Variants in TIE1 observed in about 807,000 individuals in gnomAD.
The protein encoded by TIE1 is tyrosine kinase with immunoglobulin like and EGF like domains 1, also known as tyrosine-protein kinase receptor Tie-1.
Under a neutral mutation model 130.5 loss-of-function variants are expected in TIE1, and 89 were observed. The observed-to-expected ratio is 0.68, with a 90% confidence interval of 0.57 to 0.81. The LOEUF (loss-of-function observed/expected upper bound fraction) is 0.81, where lower values mean the gene tolerates loss of function less well. TIE1 is among the 40% of genes least tolerant of loss of function. The pLI, the probability that TIE1 is intolerant of heterozygous loss-of-function variation, is 0.00. For synonymous variants in TIE1, 568 were observed against 629.4 expected, an observed-to-expected ratio of 0.90 and a Z score of 1.46; for missense variants, 1,392 against 1,559.8, an observed-to-expected ratio of 0.89 and a Z score of 1.81.
chr1:43,307,489 G>C lies in TIE1; in HGVS notation c.830G>C (p.Gly277Ala). ...CAGGAGCAGTGCCCAGGCATATCAG[G>C]CTGCCGGGGCCTCACCTTCTGCCTC... ...SCQEQCPGIS[G>A]CRGLTFCLPD... The change falls in exon 6 of 23, where the codon GGC (glycine) becomes GCC (alanine). Residue 277 changes from glycine (G) to alanine (A), a missense_variant. Physicochemically the swap from Gly to Ala is moderately conservative, Grantham distance 60. Around this residue, in one of 6 missense-constraint regions of TIE1, gnomAD observed 415 missense variants for 424.8 expected, o/e 0.98. Transcript: ENST00000372476. The surrounding 1 kb of genome is among the most constrained non-coding windows in gnomAD (Gnocchi z 5.4). 6.2e-7 allele frequency: 1 copy of C among 1,614,178 alleles called. No individual in the cohort carries two copies. The highest frequency in any genetic ancestry group is 1.1e-5 in the South Asian group (1 of 91,086).
In TIE1 at chr1:43,318,437, A is replaced by G. The variant is rs1646882556; in HGVS notation, c.2922+365A>G. ...AGGGCAGAGATCCAAGCCCAAGTCA[A>G]CTCAGGCCTGAATGAGAGGACAGGG... On this transcript the variant is annotated intron_variant, in intron 17 of 22. Transcript: ENST00000372476. The surrounding 1 kb of genome is among the most constrained non-coding windows in gnomAD (Gnocchi z 4.4). Among the ~76,000 whole-genome samples, 1 of 151,514 alleles carries G rather than the reference A, an allele frequency of 6.6e-6. No individual in the cohort carries two copies. The highest frequency in any genetic ancestry group is 2.4e-5 in the African/African-American group (1 of 41,246).
chr1:43,304,541 A>C (rs1455394524), intron 1 of TIE1, among the ~76,000 whole-genome samples: 1 of 152,174 alleles, frequency 6.6e-6, no homozygotes, highest in Non-Finnish European at 1.5e-5. Context: ...AAGGGAAGCC[A>C]TCTGGCAGGA....
At chr1:43,320,830 G>A (rs1198635280) in intron 19 of TIE1, 1 of 152,218 alleles carries the variant, frequency 6.6e-6, no homozygotes, top group Non-Finnish European at 1.5e-5. Context: ...ACTCCAGCCT[G>A]GGCGACAGAG....
In TIE1 at chr1:43,319,236, T is replaced by A; in HGVS notation, c.2924T>A (p.Phe975Tyr). The change falls in exon 18 of 23, where the codon TTC becomes TAC. Residue 975 changes from phenylalanine (F) to tyrosine (Y), a missense_variant and splice_region_variant. Transcript: ENST00000372476. This position sits in a 1 kb window ranked among gnomAD's most constrained non-coding sequence, Gnocchi z 4.7. ...CCTGACTTCTGACCCTGCCTACAGT[T>A]CATCCACAGGGACCTGGCTGCCCGG... ...NGMQYLSEKQ[F>Y]IHRDLAARNV... is the part of the protein sequence containing the mutation. 1 of 1,613,128 alleles carries A rather than the reference T, an allele frequency of 6.2e-7. No homozygotes were observed. Among genetic ancestry groups the A allele is most frequent in the Non-Finnish European group, 8.5e-7 (1 of 1,179,190 alleles).
At chr1:43,320,142 A>C in intron 19 of TIE1, 2 of 156,042 alleles carry the variant, frequency 1.3e-5, no homozygotes, top group Admixed American at 6.1e-5. Context: ...CCCCCTTTGA[A>C]CTCTCTCCCC....
In TIE1 at chr1:43,319,590, C is replaced by A. The variant is rs557594103; in HGVS notation, c.3107+61C>A. 1.3e-6 allele frequency: 2 copies of A among 1,521,358 alleles called. No individual in the cohort carries two copies. Among genetic ancestry groups the A allele is most frequent in the African/African-American group, 2.7e-5 (2 of 72,996 alleles). The allele number at this position is 1,521,358 out of a possible 1,614,324, so 94.2% of individuals were successfully genotyped here. A position where few individuals can be genotyped will look rare whatever the true frequency, so the allele number is the denominator to read the frequency against. ...CCCCCAAGAATCACCCAGGCCTGAC[C>A]TAGACATATCTCAGAAATGTCATAG... On this transcript the variant is annotated intron_variant, in intron 19 of 22. Transcript: ENST00000372476. The surrounding 1 kb of genome is among the most constrained non-coding windows in gnomAD (Gnocchi z 4.7).
chr1:43,304,251 G>A (rs548350579), intron 1 of TIE1, among the ~76,000 whole-genome samples: 25 of 152,282 alleles, frequency 1.6e-4, no homozygotes, highest in South Asian at 1.0e-3. Context: ...CCATTTCTGT[G>A]CCACAACCTT....
In TIE1 at chr1:43,321,459, G is replaced by T; in HGVS notation, c.3212G>T (p.Arg1071Leu). The change falls in exon 21 of 23, where the codon CGC (arginine) becomes CTC (leucine). Residue 1071 changes from arginine (R) to leucine (L), a missense_variant. Physicochemically the swap from Arg to Leu is moderately radical, Grantham distance 102 (BLOSUM62 -2). This residue lies in a region of TIE1 where 104 missense variants were observed against 129.3 expected (regional missense o/e 0.80). Transcript: ENST00000372476. ...ELYEKLPQGY[R>L]MEQPRNCDDE... ...TATGAAAAGCTGCCCCAGGGCTACCGCATGGAGCAGCCTCGAAACTGTGAC... is the reference window on the plus strand; with the variant it reads ...TATGAAAAGCTGCCCCAGGGCTACCTCATGGAGCAGCCTCGAAACTGTGAC... 6.2e-7 allele frequency: 1 copy of T among 1,613,874 alleles called. No individual in the cohort carries two copies. The highest frequency in any genetic ancestry group is 1.1e-5 in the South Asian group (1 of 91,066).
At chr1:43,308,902 G>C (rs2153911155) in intron 7 of TIE1, 84 bp from the exon 8 acceptor site, 1 of 1,595,314 alleles carries the variant, frequency 6.3e-7, no homozygotes, top group East Asian at 2.2e-5. Context: ...CCTCCACTGA[G>C]AAACAGAACA....
rs943542694 is a variant in TIE1, at chr1:43,322,098, A to G, written c.3345+383A>G. Among the ~76,000 whole-genome samples the G allele has an allele frequency of 6.6e-6, 1 of 152,234 alleles. No individual in the cohort carries two copies. The highest frequency in any genetic ancestry group is 1.5e-5 in the Non-Finnish European group (1 of 68,036). ...ACTAACCAGATGGATGGATGGGTGA[A>G]TGAGTGATACAGTAACCGTATGAAT... On this transcript the variant is annotated intron_variant, in intron 22 of 22. Coordinates refer to ENST00000372476, the MANE Select transcript of TIE1 (RefSeq NM_005424.5). The surrounding 1 kb of genome is among the most constrained non-coding windows in gnomAD (Gnocchi z 4.0).
In TIE1 at chr1:43,319,671, G is replaced by T. The variant is rs1365313314; in HGVS notation, c.3107+142G>T. 2 of 829,534 alleles carry T rather than the reference G, an allele frequency of 2.4e-6. No homozygotes were observed. Among genetic ancestry groups the T allele is most frequent in the Admixed American group, 4.4e-5 (2 of 45,284 alleles). The allele number at this position is 829,534 out of a possible 1,614,324, so 51.4% of individuals were successfully genotyped here. On this transcript the variant is annotated intron_variant, in intron 19 of 22. Transcript: ENST00000372476. The surrounding 1 kb of genome is among the most constrained non-coding windows in gnomAD (Gnocchi z 4.7). Reference sequence around the variant, plus strand: ...CAGGTGTGACACAGGTGTGTCTTGGGTATAAAGTACCTAGCCAAGGTGGGG... The same window carrying T: ...CAGGTGTGACACAGGTGTGTCTTGGTTATAAAGTACCTAGCCAAGGTGGGG...
At chr1:43,302,882 C>T (rs1357683947) in intron 1 of TIE1, among the ~76,000 whole-genome samples, 1 of 151,858 alleles carries the variant, frequency 6.6e-6, no homozygotes, top group Non-Finnish European at 1.5e-5. Flanking sequence ...AGTCAAGAAG[C>T]GTTCAGGAAA....
In TIE1 at chr1:43,319,747, G is replaced by A. The variant is rs1036895343; in HGVS notation, c.3107+218G>A. 20 of 582,022 alleles carry A rather than the reference G, an allele frequency of 3.4e-5. No individual in the cohort carries two copies. The highest frequency in any genetic ancestry group is 5.2e-5 in the Non-Finnish European group (17 of 324,674). 36.1% of individuals were successfully genotyped at this position (582,022 alleles called of 1,614,324 possible). On this transcript the variant is annotated intron_variant, in intron 19 of 22. Coordinates refer to ENST00000372476, the MANE Select transcript of TIE1 (RefSeq NM_005424.5). The surrounding 1 kb of genome is among the most constrained non-coding windows in gnomAD (Gnocchi z 4.7). ...GTTTCAGGAATAGGACTGGGGTAAA[G>A]GTAGTTTCGGATTATGTTTGTGTAA...
chr1:43,309,609 T>C lies in TIE1; in HGVS notation c.1333+77T>C. 6.7e-7 allele frequency: 1 copy of C among 1,481,576 alleles called. No individual in the cohort carries two copies. The highest frequency in any genetic ancestry group is 9.0e-7 in the Non-Finnish European group (1 of 1,115,450). The allele number at this position is 1,481,576 out of a possible 1,614,324, so 91.8% of individuals were successfully genotyped here. ...TAGATGATGCTGCTCAGGCTGGAGATACTAGCAGGAAGGACAAGGACATCT... is the reference window on the plus strand; with the variant it reads ...TAGATGATGCTGCTCAGGCTGGAGACACTAGCAGGAAGGACAAGGACATCT... On this transcript the variant is annotated intron_variant, in intron 9 of 22. Transcript: ENST00000372476. This position sits in a 1 kb window ranked among gnomAD's most constrained non-coding sequence, Gnocchi z 6.3.
rs1408441403 is a variant in TIE1, at chr1:43,318,407, G to A, written c.2922+335G>A. 6.6e-6 allele frequency among the ~76,000 whole-genome samples: 1 copy of A among 152,210 alleles called. No individual in the cohort carries two copies. On this transcript the variant is annotated intron_variant, in intron 17 of 22. Coordinates refer to ENST00000372476, the MANE Select transcript of TIE1 (RefSeq NM_005424.5). The surrounding 1 kb of genome is among the most constrained non-coding windows in gnomAD (Gnocchi z 4.4). ...GGGCCTGGTGCGATCTGCCGGAGAG[G>A]GGGAAGGGCAGAGATCCAAGCCCAA...
Position 43,317,699 on chromosome 1 carries a change from C to A in TIE1, c.2731+25C>A. The A allele has an allele frequency of 6.5e-7, 1 of 1,546,784 alleles. No homozygotes were observed. Among genetic ancestry groups the A allele is most frequent in the Non-Finnish European group, 8.8e-7 (1 of 1,141,118 alleles). On this transcript the variant is annotated intron_variant, in intron 16 of 22. Transcript: ENST00000372476. This position sits in a 1 kb window ranked among gnomAD's most constrained non-coding sequence, Gnocchi z 5.1. ...GGTGAGCCCCCAGCTCATCACCTAC[C>A]CCTTCTTCCAAACCCCCATCCTCAG...
Position 43,313,629 on chromosome 1 carries a change from C to G in TIE1, c.2219-149C>G, listed in dbSNP as rs1646827925. On this transcript the variant is annotated intron_variant, in intron 13 of 22. Coordinates refer to ENST00000372476, the MANE Select transcript of TIE1 (RefSeq NM_005424.5). This position sits in a 1 kb window ranked among gnomAD's most constrained non-coding sequence, Gnocchi z 6.2. ...GGAAAATCATGTCGCCCCTCTGACACCCCTCATCCCTTCCTTCATGTGGCC... is the reference window on the plus strand; with the variant it reads ...GGAAAATCATGTCGCCCCTCTGACAGCCCTCATCCCTTCCTTCATGTGGCC... 1.9e-6 allele frequency: 2 copies of G among 1,047,308 alleles called. No individual in the cohort carries two copies. Among genetic ancestry groups the G allele is most frequent in the South Asian group, 1.7e-5 (1 of 60,338 alleles). The allele number at this position is 1,047,308 out of a possible 1,614,324, so 64.9% of individuals were successfully genotyped here.
In TIE1 at chr1:43,318,349, G is replaced by A. The variant is rs1646881624; in HGVS notation, c.2922+277G>A. On this transcript the variant is annotated intron_variant, in intron 17 of 22. Coordinates refer to ENST00000372476, the MANE Select transcript of TIE1 (RefSeq NM_005424.5). This position sits in a 1 kb window ranked among gnomAD's most constrained non-coding sequence, Gnocchi z 4.4. ...GGCTGGAGACAGCATCTGTGTGTGA[G>A]CTGTCACCCCACAGATGGTGCCTAA... 6.6e-6 allele frequency among the ~76,000 whole-genome samples: 1 copy of A among 152,012 alleles called. No homozygotes were observed. Among genetic ancestry groups the A allele is most frequent in the Non-Finnish European group, 1.5e-5 (1 of 67,994 alleles).
Position 43,309,389 on chromosome 1 carries a change from C to G in TIE1, c.1190C>G (p.Ser397Cys). Reference protein sequence around the residue: ...LRKPDGTVLLSTKAIVEPEKT... With the variant: ...LRKPDGTVLLCTKAIVEPEKT... ...GTCCCCTTCCCCCATCTCTTTTAGTCCACCAAGGCCATTGTGGAGCCAGAG... is the reference window on the plus strand; with the variant it reads ...GTCCCCTTCCCCCATCTCTTTTAGTGCACCAAGGCCATTGTGGAGCCAGAG... Residue 397 changes from serine to cysteine, a missense_variant and splice_region_variant, in exon 9 of 23, where the codon TCC becomes TGC. This residue lies in a region of TIE1 where 551 missense variants were observed against 565.5 expected (regional missense o/e 0.97). Coordinates refer to ENST00000372476, the MANE Select transcript of TIE1 (RefSeq NM_005424.5). The surrounding 1 kb of genome is among the most constrained non-coding windows in gnomAD (Gnocchi z 6.3). The G allele has an allele frequency of 6.3e-7, 1 of 1,584,116 alleles. No individual in the cohort carries two copies. The highest frequency in any genetic ancestry group is 8.6e-7 in the Non-Finnish European group (1 of 1,168,074).
Sources: gnomAD v4.1 joint callset for allele counts (sites outside exome capture counted in the v4.1 genomes callset) on GRCh38, gnomAD v4.1.1 for gene constraint, gnomAD v4.1.1 regional missense constraint, Gnocchi (gnomAD v3.1) non-coding constraint, MANE v1.5 for transcripts, NCBI Gene and HGNC (gene_info 2026-07-23, HGNC 2026-07-21) for gene names.